Variants in MSRA observed in about 807,000 individuals in gnomAD.
MSRA encodes methionine sulfoxide reductase A.
A neutral mutation model predicts 31.3 loss-of-function variants in MSRA; 54 were observed. That is an observed-to-expected ratio of 1.73 (90% CI 1.39 to 2.17). The LOEUF (loss-of-function observed/expected upper bound fraction) is 2.17, where lower values mean the gene tolerates loss of function less well. Ranked by LOEUF, MSRA falls within the 30% of genes most tolerant of loss-of-function variation. The probability of loss-of-function intolerance (pLI) is 0.00; values close to 1 mark genes in which losing one functional copy is unlikely to be tolerated. For missense variants in MSRA, 507 were observed against 300.9 expected, an observed-to-expected ratio of 1.69 and a Z score of -5.07; for synonymous variants, 169 against 116.5, an observed-to-expected ratio of 1.45 and a Z score of -2.90.
chr8:10,066,602 C>T (rs1563391129), intron 1 of MSRA, among the ~76,000 whole-genome samples: 1 of 152,170 alleles, frequency 6.6e-6, no homozygotes, highest in Non-Finnish European at 1.5e-5. Flanking sequence ...GGCGCGATCT[C>T]TGCTCACTGC....
chr8:10,161,296 C>A lies in MSRA; in HGVS notation c.143-46537C>A, dbSNP rs1905628. 3.9e-5 allele frequency among the ~76,000 whole-genome samples: 6 copies of A among 152,138 alleles called. No individual in the cohort carries two copies. In the South Asian group the frequency reaches 8.3e-4, roughly 21 times the overall value. On this transcript the variant is annotated intron_variant, in intron 1 of 5. Coordinates refer to ENST00000317173, the MANE Select transcript of MSRA (RefSeq NM_012331.5). ...CCATTTAATTCCTGGTGGCTATCCC[C>A]CAACCCCCTGGCTGTTTTTGCTGTT...
chr8:10,360,747 C>T (rs532619648), intron 5 of MSRA, among the ~76,000 whole-genome samples: 12 of 152,162 alleles, frequency 7.9e-5, no homozygotes, highest in African/African-American at 2.7e-4. Context: ...TTCATTTGGG[C>T]GACAGGGATG....
At chr8:10,092,515 G>A (rs2128928211) in intron 1 of MSRA, among the ~76,000 whole-genome samples, 1 of 152,252 alleles carries the variant, frequency 6.6e-6, no homozygotes, top group South Asian at 2.1e-4. Context: ...AAAGTTAGCT[G>A]GGCATGGTGG....
intron 1 of MSRA, among the ~76,000 whole-genome samples, chr8:10,151,759 G>A (rs988777108): frequency 6.6e-6 from 1 of 152,188 alleles, no homozygotes; most frequent in Admixed American, 6.5e-5. Context: ...GAAGGAAAGC[G>A]ATGGTGAGAT....
chr8:10,072,741 T>C (rs1797801373), intron 1 of MSRA, among the ~76,000 whole-genome samples: 2 of 152,260 alleles, frequency 1.3e-5, no homozygotes, highest in Admixed American at 6.5e-5. Context: ...AGCATGTCTT[T>C]CCATTTATTT....
At chr8:10,291,614 A>C (rs1258130334) in intron 3 of MSRA, among the ~76,000 whole-genome samples, 1 of 152,120 alleles carries the variant, frequency 6.6e-6, no homozygotes, top group Non-Finnish European at 1.5e-5. Context: ...AATTAGCAAG[A>C]GAAAAGTAGT....
At chr8:10,170,377 T>A (rs1238993697) in intron 1 of MSRA, among the ~76,000 whole-genome samples, 1 of 152,190 alleles carries the variant, frequency 6.6e-6, no homozygotes, top group Non-Finnish European at 1.5e-5. Flanking sequence ...CCTTCTGTGA[T>A]GTGAGAACAC....
At chr8:10,070,505 C>G (rs1238567662) in intron 1 of MSRA, among the ~76,000 whole-genome samples, 2 of 152,234 alleles carry the variant, frequency 1.3e-5, no homozygotes, top group African/African-American at 2.4e-5. Flanking sequence ...ATCTGTTGTA[C>G]TCTTTGCCTG....
chr8:10,289,534 T>C (rs1273611846), intron 3 of MSRA, among the ~76,000 whole-genome samples: 1 of 152,194 alleles, frequency 6.6e-6, no homozygotes, highest in Non-Finnish European at 1.5e-5. Context: ...TTATTTTCTT[T>C]TAGTTATTTT....
chr8:10,295,483 G>C (rs890413415), intron 3 of MSRA, among the ~76,000 whole-genome samples: 4 of 152,178 alleles, frequency 2.6e-5, no homozygotes, highest in Non-Finnish European at 5.9e-5. Context: ...AGGCCCCCTT[G>C]GTCCTTCTAG....
chr8:10,194,585 A>T (rs909426235), intron 1 of MSRA, among the ~76,000 whole-genome samples: 3 of 152,172 alleles, frequency 2.0e-5, no homozygotes, highest in African/African-American at 7.2e-5. Flanking sequence ...AACAATTAAC[A>T]TATTACTCTG....
At chr8:10,422,669 C>T (rs1014556324) in intron 5 of MSRA, among the ~76,000 whole-genome samples, 5 of 152,168 alleles carry the variant, frequency 3.3e-5, no homozygotes, top group African/African-American at 4.8e-5. Context: ...GAGCTAGGCT[C>T]AGGTCATTCC....
chr8:10,061,433 C>G (rs1415077578), intron 1 of MSRA, among the ~76,000 whole-genome samples: 2 of 152,162 alleles, frequency 1.3e-5, no homozygotes, highest in Non-Finnish European at 2.9e-5. Context: ...TAAGTGATCT[C>G]CTTCTTCTCT....
chr8:10,186,648 G>A (rs1253717192), intron 1 of MSRA, among the ~76,000 whole-genome samples: 1 of 152,112 alleles, frequency 6.6e-6, no homozygotes, highest in Non-Finnish European at 1.5e-5. Flanking sequence ...TCTCCTGAAA[G>A]CGCATACAAT....
chr8:10,088,686 A>T (rs1402343608), intron 1 of MSRA, among the ~76,000 whole-genome samples: 1 of 152,070 alleles, frequency 6.6e-6, no homozygotes, highest in Non-Finnish European at 1.5e-5. Context: ...CAGTGAGCTG[A>T]GATCACACCA....
chr8:10,411,843 G>T (rs892382629), intron 5 of MSRA, among the ~76,000 whole-genome samples: 1 of 152,242 alleles, frequency 6.6e-6, no homozygotes, highest in Non-Finnish European at 1.5e-5. Flanking sequence ...TCTGCCAGCA[G>T]CTCCTAGCTA....
chr8:10,278,357 A>T (rs1422026883), intron 3 of MSRA, among the ~76,000 whole-genome samples: 5 of 152,208 alleles, frequency 3.3e-5, no homozygotes, highest in Non-Finnish European at 5.9e-5. Context: ...TCACAAGTAG[A>T]TCCAGCAAAT....
intron 4 of MSRA, among the ~76,000 whole-genome samples, chr8:10,302,340 C>T (rs1327690565): frequency 6.6e-6 from 1 of 152,240 alleles, no homozygotes; most frequent in African/African-American, 2.4e-5. Flanking sequence ...CCCTGCTTTG[C>T]CAGTGTGATG....
intron 2 of MSRA, among the ~76,000 whole-genome samples, chr8:10,214,395 T>A (rs1426617028): frequency 6.6e-6 from 1 of 152,216 alleles, no homozygotes; most frequent in East Asian, 1.9e-4. Flanking sequence ...AGGTGAGTTT[T>A]GAATCAGCCC....
Sources: gnomAD v4.1 joint callset for allele counts (sites outside exome capture counted in the v4.1 genomes callset) on GRCh38, gnomAD v4.1.1 for gene constraint, MANE v1.5 for transcripts, NCBI Gene and HGNC (gene_info 2026-07-23, HGNC 2026-07-21) for gene names.